IL15RA: variants seen among roughly 807,000 people sequenced by gnomAD.
The protein encoded by IL15RA is interleukin 15 receptor subunit alpha.
A neutral mutation model predicts 24.2 loss-of-function variants in IL15RA; 26 were observed. The ratio of observed to expected loss-of-function variants is 1.07; its 90% CI spans 0.79 to 1.49. The LOEUF is 1.49. IL15RA is among the 40% of genes most tolerant of loss of function. IL15RA has a pLI of 0.00. For synonymous variants in IL15RA, 166 were observed against 157.6 expected, an observed-to-expected ratio of 1.05 and a Z score of -0.40; for missense variants, 354 against 356.4, an observed-to-expected ratio of 0.99 and a Z score of 0.05.
In IL15RA at chr10:5,971,225, G is replaced by A. The variant is rs974559314; in HGVS notation, c.89-4886C>T. Among the ~76,000 whole-genome samples, 1 of 152,084 alleles carries A rather than the reference G, an allele frequency of 6.6e-6. No individual in the cohort carries two copies. The highest frequency in any genetic ancestry group is 2.4e-5 in the African/African-American group (1 of 41,410). ...TCTCACTTTCCTACGGCTGGTATAC[G>A]ATAGATATTTTCTGAATACATATAA... On this transcript the variant is annotated intron_variant, in intron 1 of 6. Transcript: ENST00000379977. This position sits in a 1 kb window ranked among gnomAD's most constrained non-coding sequence, Gnocchi z 5.5.
chr10:5,962,982 C>T lies in IL15RA; in HGVS notation c.382+761G>A, dbSNP rs1428648552. Reference sequence around the variant, plus strand: ...ACTCTGTTGAAACACAGGACACTGGCAGCTTCAGGCAGCGCCTCTATAATA... The same window carrying T: ...ACTCTGTTGAAACACAGGACACTGGTAGCTTCAGGCAGCGCCTCTATAATA... On this transcript the variant is annotated intron_variant, in intron 3 of 6. Transcript: ENST00000379977. The surrounding 1 kb of genome is among the most constrained non-coding windows in gnomAD (Gnocchi z 5.2). 1.3e-5 allele frequency among the ~76,000 whole-genome samples: 2 copies of T among 152,242 alleles called. No homozygotes were observed. The highest frequency in any genetic ancestry group is 2.9e-5 in the Non-Finnish European group (2 of 68,044).
rs1276824493 is a variant in IL15RA at position 5,952,891 on chromosome 10, G to A, written c.*204C>T. On this transcript the variant is annotated 3_prime_UTR_variant, in exon 7 of 7. Coordinates refer to ENST00000379977, the MANE Select transcript of IL15RA (RefSeq NM_002189.4). Reference sequence around the variant, plus strand: ...GGGTCCAAGGCACGACAGGCAGGCAGGTGGTGCCCATGGGAATGCGGAGAA... The same window carrying A: ...GGGTCCAAGGCACGACAGGCAGGCAAGTGGTGCCCATGGGAATGCGGAGAA... 5.0e-6 allele frequency: 3 copies of A among 605,550 alleles called. No individual in the cohort carries two copies. Among genetic ancestry groups the A allele is most frequent in the Non-Finnish European group, 8.8e-6 (3 of 339,938 alleles). The allele number at this position is 605,550 out of a possible 1,614,324, so 37.5% of individuals were successfully genotyped here. A position where few individuals can be genotyped will look rare whatever the true frequency, so the allele number is the denominator to read the frequency against.
chr10:5,963,773 G>T lies in IL15RA; in HGVS notation c.352C>A (p.Gln118Lys). Residue 118 changes from glutamine (Q) to lysine (K), a missense_variant, in exon 3 of 7, where the codon CAG (glutamine) becomes AAG (lysine). Coordinates refer to ENST00000379977, the MANE Select transcript of IL15RA (RefSeq NM_002189.4). The surrounding 1 kb of genome is among the most constrained non-coding windows in gnomAD (Gnocchi z 5.3). ...STVTTAGVTP[Q>K]PESLSPSGKE... is the part of the protein sequence containing the mutation. ...CCAGAAGGGGAGAGGCTCTCTGGCT[G>T]TGGGGTCACCCCTGCCGTCGTTACT... 1 of 1,526,048 alleles carries T rather than the reference G, an allele frequency of 6.6e-7. No homozygotes were observed. The highest frequency in any genetic ancestry group is 2.6e-5 in the East Asian group (1 of 38,562). 94.5% of individuals were successfully genotyped at this position (1,526,048 alleles called of 1,614,324 possible). A position where few individuals can be genotyped will look rare whatever the true frequency, so the allele number is the denominator to read the frequency against.
rs780177636 is a variant in IL15RA, at chr10:5,956,420, C to G, written c.651G>C (p.Gly217=). The stretch of plus-strand genomic sequence containing the variant: ...ATGCCAGGAGAGACACAGCGCTCAG[C>G]CCACACAGCAGGACAGTGGACGTGG... ...AISTSTVLLC[G]LSAVSLLACY... The change falls in exon 6 of 7, where the codon GGG becomes GGC. Residue 217 remains glycine (G), a synonymous_variant. Transcript: ENST00000379977. 1.2e-5 allele frequency: 20 copies of G among 1,613,934 alleles called. No homozygotes were observed. The highest frequency in any genetic ancestry group is 2.2e-5 in the South Asian group (2 of 91,082).
At chr10:5,974,664 G>C (rs373299563) in intron 1 of IL15RA, among the ~76,000 whole-genome samples, 1 of 152,042 alleles carries the variant, frequency 6.6e-6, no homozygotes, top group East Asian at 1.9e-4. Flanking sequence ...ATCCCCTGAG[G>C]TCAGGAGTTC....
chr10:5,977,557 G>C, upstream of IL15RA: 1 of 1,272,882 alleles, frequency 7.9e-7, no homozygotes, highest in Non-Finnish European at 9.9e-7. Context: ...GGGGGGAGGT[G>C]GCGAGCGCTG....
chr10:5,977,884 C>T (rs936711932), upstream of IL15RA: 5 of 348,430 alleles, frequency 1.4e-5, no homozygotes, highest in African/African-American at 4.2e-5. Context: ...GCAAAGTCAT[C>T]GGAGAGCAGA....
At position 5,960,416 on chromosome 10, in the gene IL15RA, T is replaced by C; in HGVS notation, c.534A>G (p.Thr178=). Residue 178 remains threonine, a synonymous_variant, in exon 4 of 7, where the codon ACA becomes ACG. Coordinates refer to ENST00000379977, the MANE Select transcript of IL15RA (RefSeq NM_002189.4). This position sits in a 1 kb window ranked among gnomAD's most constrained non-coding sequence, Gnocchi z 5.1. ...CTGTGAGTTCCCAGTTCTTGGCTGT[T>C]GTCTGAGAGGGGGTGCCGTGGGAGG... ...HESSHGTPSQ[T]TAKNWELTAS... is the part of the protein sequence containing the mutation. 6.2e-7 allele frequency: 1 copy of C among 1,614,034 alleles called. No individual in the cohort carries two copies. The highest frequency in any genetic ancestry group is 8.5e-7 in the Non-Finnish European group (1 of 1,179,978).
downstream of IL15RA, among the ~76,000 whole-genome samples, chr10:5,951,003 T>A (rs1488454522): frequency 1.3e-5 from 2 of 151,818 alleles, no homozygotes; most frequent in African/African-American, 2.4e-5. Flanking sequence ...TAGGCGGGCA[T>A]GGTGGTGGGC....
rs1329057232 is a variant in IL15RA at position 5,961,195 on chromosome 10, G to A, written c.383-628C>T. On this transcript the variant is annotated intron_variant, in intron 3 of 6. Transcript: ENST00000379977. This position sits in a 1 kb window ranked among gnomAD's most constrained non-coding sequence, Gnocchi z 5.2. ...CTCCCAAAGTGCTGGGATTACGGGC[G>A]AGAGCCACTGTGCCCTGCCGCAAGA... is the stretch of plus-strand genomic sequence containing the variant. Among the ~76,000 whole-genome samples, 6 of 152,084 alleles carry A rather than the reference G, an allele frequency of 3.9e-5. No individual in the cohort carries two copies. The South Asian group carries it at 6.2e-4, about 16-fold the overall frequency.
At chr10:5,949,984 T>C (rs1833761563), downstream of IL15RA, among the ~76,000 whole-genome samples, 1 of 151,876 alleles carries the variant, frequency 6.6e-6, no homozygotes, top group African/African-American at 2.4e-5. The surrounding 1 kb of genome is among the most constrained non-coding windows in gnomAD (Gnocchi z 4.4). Flanking sequence ...TAATCCCAGC[T>C]ACTTGGGAGG....
At chr10:5,972,268 A>C (rs901196585) in intron 1 of IL15RA, among the ~76,000 whole-genome samples, 2 of 152,218 alleles carry the variant, frequency 1.3e-5, no homozygotes, top group African/African-American at 4.8e-5. Flanking sequence ...CATTCAAATC[A>C]CATCAACTAT....
At position 5,973,093 on chromosome 10, in the gene IL15RA, C is replaced by T. The variant is rs1490791379; in HGVS notation, c.88+4312G>A. 1.3e-5 allele frequency among the ~76,000 whole-genome samples: 2 copies of T among 152,184 alleles called. No individual in the cohort carries two copies. The highest frequency in any genetic ancestry group is 1.3e-4 in the Admixed American group (2 of 15,262). On this transcript the variant is annotated intron_variant, in intron 1 of 6. Transcript: ENST00000379977. The surrounding 1 kb of genome is among the most constrained non-coding windows in gnomAD (Gnocchi z 4.5). The stretch of plus-strand genomic sequence containing the variant: ...TTCTCAGTTGCTTCTGGCCATCGCC[C>T]GCAATCTTTCAGACTGAAATGCTCT...
chr10:5,953,319 C>CAG lies in IL15RA; in HGVS notation c.693-115_693-114dup. ...GCACTGCGGGGATGGCAGGAGCAGACAGAGGCCCTGCCACGGGAGTCAGAC... is the reference window on the plus strand; with the variant it reads ...GCACTGCGGGGATGGCAGGAGCAGACAGAGAGGCCCTGCCACGGGAGTCAGAC... On this transcript the variant is annotated intron_variant, in intron 6 of 6. Coordinates refer to ENST00000379977, the MANE Select transcript of IL15RA (RefSeq NM_002189.4). The surrounding 1 kb of genome is among the most constrained non-coding windows in gnomAD (Gnocchi z 5.3). 2.5e-6 allele frequency: 2 copies of CAG among 790,758 alleles called. No individual in the cohort carries two copies. The highest frequency in any genetic ancestry group is 2.8e-5 in the South Asian group (2 of 70,332). The allele number at this position is 790,758 out of a possible 1,614,324, so 49.0% of individuals were successfully genotyped here.
At chr10:5,977,138 C>G in intron 1 of IL15RA, 1 of 323,468 alleles carries the variant, frequency 3.1e-6, no homozygotes, top group East Asian at 4.7e-5. Flanking sequence ...TGACCTCGGC[C>G]TCGGAGACCC....
At chr10:5,952,050 T>A (rs993051952), downstream of IL15RA, among the ~76,000 whole-genome samples, 23 of 152,086 alleles carry the variant, frequency 1.5e-4, no homozygotes, top group Non-Finnish European at 2.9e-4. Flanking sequence ...TTCTCATCTA[T>A]AAAATGAGGA....
chr10:5,978,721 C>A (rs1393240786), upstream of IL15RA, among the ~76,000 whole-genome samples: 2 of 152,074 alleles, frequency 1.3e-5, no homozygotes, highest in Non-Finnish European at 1.5e-5. The surrounding 1 kb of genome is among the most constrained non-coding windows in gnomAD (Gnocchi z 5.2). Flanking sequence ...CATGGTGAAA[C>A]CCCATCTCTA....
chr10:5,975,686 C>G lies in IL15RA; in HGVS notation c.88+1719G>C, dbSNP rs8177638. Among the ~76,000 whole-genome samples the G allele has an allele frequency of 0.028, 4,218 of 152,090 alleles. 189 individuals are homozygous for G. Among genetic ancestry groups the G allele is most frequent in the African/African-American group, 0.096 (3,961 of 41,470 alleles). ...CAGATCACAAGGTCAGGAGTGATCA[C>G]CATGTTGGATCAGCCTGACCAACAT... On this transcript the variant is annotated intron_variant, in intron 1 of 6. Transcript: ENST00000379977. This position sits in a 1 kb window ranked among gnomAD's most constrained non-coding sequence, Gnocchi z 4.8.
chr10:5,966,011 G>T lies in IL15RA; in HGVS notation c.283+134C>A, dbSNP rs187261760. 1.3e-4 allele frequency: 77 copies of T among 579,852 alleles called. 1 individual carries two copies. In the East Asian group the frequency reaches 2.2e-3, roughly 17 times the overall value. 35.9% of individuals were successfully genotyped at this position (579,852 alleles called of 1,614,324 possible). Reference sequence around the variant, plus strand: ...GCTGGGATTACAGGTGTGAGCCACCGTGCCCGGCCCCCACTGGTGTGTTTA... The same window carrying T: ...GCTGGGATTACAGGTGTGAGCCACCTTGCCCGGCCCCCACTGGTGTGTTTA... On this transcript the variant is annotated intron_variant, in intron 2 of 6. Transcript: ENST00000379977. The surrounding 1 kb of genome is among the most constrained non-coding windows in gnomAD (Gnocchi z 6.4).
Sources: gnomAD v4.1 joint callset for allele counts (sites outside exome capture counted in the v4.1 genomes callset) on GRCh38, gnomAD v4.1.1 for gene constraint, Gnocchi (gnomAD v3.1) non-coding constraint, MANE v1.5 for transcripts, NCBI Gene and HGNC (gene_info 2026-07-23, HGNC 2026-07-21) for gene names.